MRTFB: variants seen among roughly 807,000 people sequenced by gnomAD.
MRTFB encodes the protein myocardin related transcription factor B, also known as myocardin-related transcription factor B.
A neutral mutation model predicts 104.2 loss-of-function variants in MRTFB; 29 were observed. The observed-to-expected ratio is 0.28, with a 90% confidence interval of 0.21 to 0.38. The LOEUF (loss-of-function observed/expected upper bound fraction) is 0.38, where lower values mean the gene tolerates loss of function less well. Ranked by LOEUF, MRTFB falls within the 10% of genes least tolerant of loss-of-function variation. The pLI, the probability that MRTFB is intolerant of heterozygous loss-of-function variation, is 1.00. For missense variants in MRTFB, 1,270 were observed against 1,341.6 expected, an observed-to-expected ratio of 0.95 and a Z score of 0.83; for synonymous variants, 535 against 519.5, an observed-to-expected ratio of 1.03 and a Z score of -0.41.
At chr16:14,124,595 T>G (rs1032154981) in intron 2 of MRTFB, among the ~76,000 whole-genome samples, 1 of 152,230 alleles carries the variant, frequency 6.6e-6, no homozygotes, top group Non-Finnish European at 1.5e-5. Context: ...TGAACCAGCC[T>G]TGCATCCCAG....
chr16:14,247,284 A>G lies in MRTFB; in HGVS notation c.2024A>G (p.Lys675Arg), dbSNP rs2043059694. 6 of 1,614,098 alleles carry G rather than the reference A, an allele frequency of 3.7e-6. No homozygotes were observed. The highest frequency in any genetic ancestry group is 2.2e-5 in the East Asian group (1 of 44,890). The change falls in exon 12 of 17, where the codon AAA (lysine) becomes AGA (arginine). Residue 675 changes from lysine to arginine, a missense_variant. Around this residue, in one of 3 missense-constraint regions of MRTFB, gnomAD observed 1,144 missense variants for 1,131.5 expected, o/e 1.01. Transcript: ENST00000571589. ...ACAGGTGGCCAGACCCTTGTTGCCA[A>G]AAAGGCTGTAGTTATCAAGCAAGAG... ...VSTGGQTLVA[K>R]KAVVIKQEVP...
chr16:14,184,072 T>A lies in MRTFB; in HGVS notation c.155-26171T>A, dbSNP rs377266488. Among the ~76,000 whole-genome samples the A allele has an allele frequency of 9.5e-4, 116 of 121,768 alleles. 1 individual carries two copies. The highest frequency in any genetic ancestry group is 2.8e-3 in the African/African-American group (89 of 31,572). The allele number at this position is 121,768 out of a possible 152,430, so 79.9% of individuals were successfully genotyped here. On this transcript the variant is annotated intron_variant, in intron 3 of 16. Transcript: ENST00000571589. ...GATTTAAAAGCAACATCCTGAAATT[T>A]AAAAAAAAAAAAAAAAAAAAAAGTT...
chr16:14,049,520 G>A, the MRTFB span, among the ~76,000 whole-genome samples: 1 of 152,154 alleles, frequency 6.6e-6, no homozygotes, highest in Non-Finnish European at 1.5e-5. Context: ...TGTGAGTGAA[G>A]AAAAATGACA....
At chr16:14,018,217 C>T in the MRTFB span, among the ~76,000 whole-genome samples, 1 of 152,078 alleles carries the variant, frequency 6.6e-6, no homozygotes. Context: ...AACTGCACTG[C>T]TTGTTGTAAA....
chr16:14,141,127 C>A, intron 3 of MRTFB: 1 of 191,048 alleles, frequency 5.2e-6, no homozygotes, highest in East Asian at 1.4e-4. Flanking sequence ...TCTCCATCTC[C>A]GGTGTGTTGC....
intron 2 of MRTFB, among the ~76,000 whole-genome samples, chr16:14,114,832 T>C (rs1044321960): frequency 6.6e-6 from 1 of 152,230 alleles, no homozygotes; most frequent in African/African-American, 2.4e-5. Context: ...TGTAATTATA[T>C]GCTTCCTGTC....
intron 2 of MRTFB, among the ~76,000 whole-genome samples, chr16:14,091,869 C>T (rs1333042334): frequency 5.3e-5 from 8 of 151,900 alleles, no homozygotes; most frequent in Admixed American, 4.6e-4. Flanking sequence ...GTGGCAGCTG[C>T]CTGTAATCCC....
chr16:13,995,007 A>G, the MRTFB span, among the ~76,000 whole-genome samples: 9,459 of 150,644 alleles, frequency 0.063, 978 homozygotes, highest in African/African-American at 0.22. Context: ...CGGTTTGGGG[A>G]TTGTTTATTT....
the MRTFB span, among the ~76,000 whole-genome samples, chr16:14,018,443 T>G: frequency 6.6e-6 from 1 of 152,228 alleles, no homozygotes; most frequent in African/African-American, 2.4e-5. Flanking sequence ...TTGTTTATTT[T>G]CACTGAGCTC....
chr16:14,260,679 A>G (rs906626400), intron 16 of MRTFB, among the ~76,000 whole-genome samples: 24 of 152,244 alleles, frequency 1.6e-4, no homozygotes, highest in Non-Finnish European at 2.9e-4. Flanking sequence ...CTAAATTTAC[A>G]ACAAAAAGGA....
intron 8 of MRTFB, among the ~76,000 whole-genome samples, chr16:14,225,137 G>T (rs1390417245): frequency 6.6e-6 from 1 of 152,160 alleles, no homozygotes; most frequent in Non-Finnish European, 1.5e-5. Flanking sequence ...GGTGAGCCAT[G>T]ATCGCGCCAT....
intron 3 of MRTFB, among the ~76,000 whole-genome samples, chr16:14,174,519 C>G (rs1300003102): frequency 6.6e-6 from 1 of 151,996 alleles, no homozygotes; most frequent in Non-Finnish European, 1.5e-5. Flanking sequence ...CCCGCCTCTA[C>G]TAAAAATACA....
At chr16:14,148,136 A>G (rs1163197227) in intron 3 of MRTFB, among the ~76,000 whole-genome samples, 1 of 152,240 alleles carries the variant, frequency 6.6e-6, no homozygotes, top group African/African-American at 2.4e-5. Flanking sequence ...GAAAGCAATT[A>G]TGAAAGATAA....
At position 14,243,864 on chromosome 16, in the gene MRTFB, G is replaced by GTTTGTTTTTTTTTTTTT. The variant is rs750881308; in HGVS notation, c.1080-1661_1080-1660insGTTTTTTTTTTTTTTTT. The stretch of plus-strand genomic sequence containing the variant: ...CAGAGATTAGTTTTGCCTGTTTTGG[G>GTTTGTTTTTTTTTTTTT]TTTTTTTTTTTTTGAGACAGAGTCT... On this transcript the variant is annotated intron_variant, in intron 10 of 16. Transcript: ENST00000571589. 1.8e-4 allele frequency among the ~76,000 whole-genome samples: 23 copies of GTTTGTTTTTTTTTTTTT among 124,644 alleles called. 2 individuals are homozygous for GTTTGTTTTTTTTTTTTT. The highest frequency in any genetic ancestry group is 8.7e-4 in the African/African-American group (23 of 26,472). 81.8% of individuals were successfully genotyped at this position (124,644 alleles called of 152,430 possible). A position where few individuals can be genotyped will look rare whatever the true frequency, so the allele number is the denominator to read the frequency against.
intron 9 of MRTFB, 126 bp from the exon 10 acceptor site, chr16:14,240,111 T>A: frequency 8.5e-7 from 1 of 1,176,386 alleles, no homozygotes; most frequent in Non-Finnish European, 1.2e-6. Context: ...CATATTGCTT[T>A]CCAAAGTGGC....
In MRTFB at chr16:14,223,839, G is replaced by C. The variant is rs1002558276; in HGVS notation, c.693+4841G>C. Among the ~76,000 whole-genome samples the C allele has an allele frequency of 5.9e-4, 90 of 152,202 alleles. 1 individual carries two copies. Among genetic ancestry groups the C allele is most frequent in the African/African-American group, 1.3e-3 (52 of 41,448 alleles). ...CCAAAACTTCACAAATAGGAGGAAA[G>C]ACATGGATATACAAATACAGTCATG... On this transcript the variant is annotated intron_variant, in intron 8 of 16. Transcript: ENST00000571589.
chr16:14,200,881 G>C (rs2040671438), intron 3 of MRTFB: 1 of 1,455,900 alleles, frequency 6.9e-7, no homozygotes, highest in Non-Finnish European at 9.6e-7. Flanking sequence ...CAGGTGTAAG[G>C]TGGGCAGCAG....
At chr16:14,028,504 C>A in the MRTFB span, among the ~76,000 whole-genome samples, 1 of 152,170 alleles carries the variant, frequency 6.6e-6, no homozygotes. Flanking sequence ...CAGGATCTCC[C>A]CACTGTTCTA....
chr16:14,226,996 CAAG>C (rs2042032929), intron 8 of MRTFB, among the ~76,000 whole-genome samples: 6 of 151,036 alleles, frequency 4.0e-5, no homozygotes, highest in Admixed American at 4.0e-4. Context: ...AAAAAAGAAA[CAAG>C]AAAAAAACTT....
Sources: gnomAD v4.1 joint callset for allele counts (sites outside exome capture counted in the v4.1 genomes callset) on GRCh38, gnomAD v4.1.1 for gene constraint, gnomAD v4.1.1 regional missense constraint, MANE v1.5 for transcripts, NCBI Gene and HGNC (gene_info 2026-07-23, HGNC 2026-07-21) for gene names.